Variants in ZNF710 observed in about 807,000 individuals in gnomAD.
ZNF710 encodes the protein zinc finger protein 710.
A neutral mutation model predicts 50.6 loss-of-function variants in ZNF710; 13 were observed. The ratio of observed to expected loss-of-function variants is 0.26; its 90% confidence interval spans 0.17 to 0.41. The LOEUF (loss-of-function observed/expected upper bound fraction) is 0.41, where lower values mean the gene tolerates loss of function less well. Ranked by LOEUF, ZNF710 falls within the 10% of genes least tolerant of loss-of-function variation. The probability of loss-of-function intolerance (pLI) is 1.00; values close to 1 mark genes in which losing one functional copy is unlikely to be tolerated. For synonymous variants in ZNF710, 383 were observed against 397.0 expected (o/e 0.96, Z 0.42); for missense variants, 721 against 936.6 (o/e 0.77, Z 3.01).
At chr15:90,071,865 A>G (rs553676008) in intron 2 of ZNF710, among the ~76,000 whole-genome samples, 23 of 152,098 alleles carry the variant, frequency 1.5e-4, no homozygotes, top group Non-Finnish European at 2.8e-4. Flanking sequence ...TAGTAGAGAT[A>G]GGGTTTCACC....
rs79763436 is a variant in ZNF710, at chr15:90,058,476, C to G, written c.-28-8634C>G. Among the ~76,000 whole-genome samples the G allele has an allele frequency of 1.5e-3, 234 of 152,232 alleles. 1 individual carries two copies. Among genetic ancestry groups the G allele is most frequent in the African/African-American group, 5.3e-3 (220 of 41,528 alleles). On this transcript the variant is annotated intron_variant, in intron 1 of 4. Transcript: ENST00000268154. ...AGAGTTTCACTCTCCATCTCACTTA[C>G]CGCATTCAGTCTTGGTCCCTTGGCG... is the stretch of plus-strand genomic sequence containing the variant.
intron 1 of ZNF710, among the ~76,000 whole-genome samples, chr15:90,046,557 A>C (rs1899467895): frequency 6.6e-6 from 1 of 152,152 alleles, no homozygotes; most frequent in Admixed American, 6.5e-5. Context: ...TGACCAAGCC[A>C]GACACCCAGA....
At chr15:90,064,645 G>A (rs1179305377) in intron 1 of ZNF710, among the ~76,000 whole-genome samples, 3 of 152,014 alleles carry the variant, frequency 2.0e-5, no homozygotes, top group African/African-American at 4.8e-5. Flanking sequence ...CCACCACCAC[G>A]CCCGGCTAAT....
chr15:90,018,714 G>A (rs1898525688), intron 1 of ZNF710, among the ~76,000 whole-genome samples: 1 of 152,172 alleles, frequency 6.6e-6, no homozygotes, highest in African/African-American at 2.4e-5. Flanking sequence ...GGAAAGCTGG[G>A]CCCTGGGTCT....
chr15:90,001,806 C>T (rs1257840405), intron 1 of ZNF710, among the ~76,000 whole-genome samples, 192 bp downstream of exon 1: 2 of 145,888 alleles, frequency 1.4e-5, no homozygotes, highest in Non-Finnish European at 3.0e-5. Flanking sequence ...TTTCCTTTCA[C>T]TTCCACATTC....
chr15:90,016,208 T>C (rs1898451886), intron 1 of ZNF710, among the ~76,000 whole-genome samples: 1 of 151,926 alleles, frequency 6.6e-6, no homozygotes, highest in Non-Finnish European at 1.5e-5. Context: ...TAGGCGGAGG[T>C]GGGGAAGAAG....
intron 2 of ZNF710, among the ~76,000 whole-genome samples, chr15:90,069,228 C>CAAAAA (rs1231164801): frequency 1.4e-5 from 1 of 69,628 alleles, no homozygotes. Context: ...AACTCCATCT[C>CAAAAA]AAAAAAAAAA....
intron 2 of ZNF710, among the ~76,000 whole-genome samples, chr15:90,071,543 A>G (rs1900385405): frequency 6.6e-6 from 1 of 152,182 alleles, no homozygotes; most frequent in Non-Finnish European, 1.5e-5. Context: ...CAAAGTTTTT[A>G]TACCAAACAA....
At chr15:90,058,110 G>A (rs559596504) in intron 1 of ZNF710, among the ~76,000 whole-genome samples, 1 of 152,232 alleles carries the variant, frequency 6.6e-6, no homozygotes, top group South Asian at 2.1e-4. Flanking sequence ...CCTGGGGAAT[G>A]GATCAAGAGA....
intron 1 of ZNF710, among the ~76,000 whole-genome samples, chr15:90,039,894 T>C (rs1462565574): frequency 6.6e-6 from 1 of 152,224 alleles, no homozygotes; most frequent in Non-Finnish European, 1.5e-5. Flanking sequence ...CAAAGTCCCC[T>C]CTTCGAGTCA....
At chr15:90,066,878 G>A (rs561479705) in intron 1 of ZNF710, among the ~76,000 whole-genome samples, 2 of 152,276 alleles carry the variant, frequency 1.3e-5, no homozygotes, top group East Asian at 1.9e-4. Context: ...GGCCAGCAAG[G>A]GGGCAGAGCT....
At chr15:90,072,693 C>T (rs985407273) in intron 2 of ZNF710, among the ~76,000 whole-genome samples, 2 of 152,182 alleles carry the variant, frequency 1.3e-5, no homozygotes, top group African/African-American at 4.8e-5. Context: ...TAGTGTGGTA[C>T]TGGCTTGGAG....
Position 90,067,249 on chromosome 15 carries a change from A to G in ZNF710, c.112A>G (p.Ile38Val), listed in dbSNP as rs369201430. 6.2e-6 allele frequency: 10 copies of G among 1,613,432 alleles called. No individual in the cohort carries two copies. The highest frequency in any genetic ancestry group is 7.6e-6 in the Non-Finnish European group (9 of 1,179,860). Residue 38 changes from isoleucine (I) to valine (V), a missense_variant, in exon 2 of 5, where the codon ATA (isoleucine) becomes GTA (valine). Transcript: ENST00000268154. This position sits in a 1 kb window ranked among gnomAD's most constrained non-coding sequence, Gnocchi z 8.1. ...VSENELFGAT[I>V]SAEAFYPDLG... ...CGAAAATGAGCTCTTTGGAGCTACCATAAGCGCCGAGGCCTTCTACCCGGA... is the reference window on the plus strand; with the variant it reads ...CGAAAATGAGCTCTTTGGAGCTACCGTAAGCGCCGAGGCCTTCTACCCGGA...
chr15:90,000,907 G>A (rs1310177669), upstream of ZNF710, among the ~76,000 whole-genome samples: 3 of 152,132 alleles, frequency 2.0e-5, no homozygotes, highest in African/African-American at 4.8e-5. Flanking sequence ...ACCGGACAGG[G>A]CCGGGCCCCC....
upstream of ZNF710, among the ~76,000 whole-genome samples, chr15:89,998,506 G>C (rs1431277654): frequency 6.6e-6 from 1 of 152,166 alleles, no homozygotes; most frequent in African/African-American, 2.4e-5. Context: ...GTGGGACACT[G>C]GTCATCTTTG....
chr15:90,066,560 C>T (rs1421613680), intron 1 of ZNF710, among the ~76,000 whole-genome samples: 4 of 149,496 alleles, frequency 2.7e-5, no homozygotes, highest in African/African-American at 9.8e-5. Flanking sequence ...TCACTGCAAC[C>T]TCCGCCTCCC....
intron 1 of ZNF710, among the ~76,000 whole-genome samples, chr15:90,030,286 G>T (rs1312649229): frequency 8.5e-6 from 1 of 118,126 alleles, no homozygotes; most frequent in Non-Finnish European, 1.6e-5. Flanking sequence ...CCAATATCAC[G>T]CCATTGCATT....
At position 90,082,043 on chromosome 15, in the gene ZNF710, C is replaced by T. The variant is rs1900735242; in HGVS notation, c.*2214C>T. 2 of 152,248 alleles carry T rather than the reference C, an allele frequency of 1.3e-5. No individual in the cohort carries two copies. Among genetic ancestry groups the T allele is most frequent in the Non-Finnish European group, 2.9e-5 (2 of 68,056 alleles). 9.4% of individuals were successfully genotyped at this position (152,248 alleles called of 1,614,324 possible). Reference sequence around the variant, plus strand: ...AGCCTCTCGGGTGACTTGGAAACTCCTGGACAAATTCCATTCTAACTTATT... The same window carrying T: ...AGCCTCTCGGGTGACTTGGAAACTCTTGGACAAATTCCATTCTAACTTATT... On this transcript the variant is annotated 3_prime_UTR_variant, in exon 5 of 5. Transcript: ENST00000268154.
rs797019424 is a variant in ZNF710 at position 90,054,766 on chromosome 15, T to C, written c.-28-12344T>C. 5.9e-5 allele frequency among the ~76,000 whole-genome samples: 9 copies of C among 152,356 alleles called. No homozygotes were observed. In the South Asian group the frequency reaches 1.9e-3, roughly 32 times the overall value. On this transcript the variant is annotated intron_variant, in intron 1 of 4. Transcript: ENST00000268154. ...AAGCTGGTGATCTCTGGGTCCAGGA[T>C]AGTGTACTTGTTTGGGGGACAGATG...
Sources: gnomAD v4.1 joint callset for allele counts (sites outside exome capture counted in the v4.1 genomes callset) on GRCh38, gnomAD v4.1.1 for gene constraint, Gnocchi (gnomAD v3.1) non-coding constraint, MANE v1.5 for transcripts, NCBI Gene and HGNC (gene_info 2026-07-23, HGNC 2026-07-21) for gene names.